Variants in FAM53A observed in about 807,000 individuals in gnomAD.
The protein encoded by FAM53A is protein FAM53A.
In FAM53A, 28 loss-of-function variants were observed where a neutral mutation model predicts 26.6. The observed-to-expected ratio is 1.05, with a 90% CI of 0.78 to 1.45. The LOEUF (loss-of-function observed/expected upper bound fraction) is 1.45. Ranked by LOEUF, FAM53A falls within the 40% of genes most tolerant of loss-of-function variation. The probability of loss-of-function intolerance (pLI) is 0.00; values close to 1 mark genes in which losing one functional copy is unlikely to be tolerated. For missense variants in FAM53A, 650 were observed against 575.8 expected (o/e 1.13, Z -1.32); for synonymous variants, 290 against 253.1 (o/e 1.15, Z -1.38).
At chr4:1,652,016 A>ATACAC (rs1465547216) in intron 4 of FAM53A, among the ~76,000 whole-genome samples, 6 of 79,878 alleles carry the variant, frequency 7.5e-5, no homozygotes, top group African/African-American at 2.3e-4. Flanking sequence ...CACACGTCAC[A>ATACAC]CACACACCAC....
rs1043771306 is a variant in FAM53A, at chr4:1,659,171, C to T, written c.76-1703G>A. The stretch of plus-strand genomic sequence containing the variant: ...GTGGAGCTGTGAGCACCCGGCCACA[C>T]CATGAGGACAGGGCCTGGTGCGGGC... On this transcript the variant is annotated intron_variant, in intron 2 of 4. Coordinates refer to ENST00000308132, the MANE Select transcript of FAM53A (RefSeq NM_001174070.3). The surrounding 1 kb of genome is among the most constrained non-coding windows in gnomAD (Gnocchi z 5.2). Among the ~76,000 whole-genome samples the T allele has an allele frequency of 1.3e-5, 2 of 152,222 alleles. No individual in the cohort carries two copies. The highest frequency in any genetic ancestry group is 6.5e-5 in the Admixed American group (1 of 15,284).
chr4:1,619,201 C>T lies in FAM53A; in HGVS notation c.432-1090G>A, dbSNP rs79166896. 0.013 allele frequency among the ~76,000 whole-genome samples: 2,019 copies of T among 152,364 alleles called. 156 individuals carry two copies. The East Asian group carries it at 0.23, about 18-fold the overall frequency. On this transcript the variant is annotated intron_variant, in intron 1 of 1. Transcript: ENST00000489029. ...AGCAGGTTACTAACGAGTCACTGAACTTTGCAGCCACAGGCTGAGGCAGGA... is the reference window on the plus strand; with the variant it reads ...AGCAGGTTACTAACGAGTCACTGAATTTTGCAGCCACAGGCTGAGGCAGGA...
At chr4:1,623,942 G>A (rs555255445) in intron 1 of FAM53A, among the ~76,000 whole-genome samples, 1 of 152,286 alleles carries the variant, frequency 6.6e-6, no homozygotes, top group East Asian at 1.9e-4. Flanking sequence ...CAGGAGATGG[G>A]GCCAAGCCTC....
At chr4:1,633,621 C>T (rs931919743) in intron 1 of FAM53A, among the ~76,000 whole-genome samples, 6 of 151,876 alleles carry the variant, frequency 4.0e-5, no homozygotes, top group African/African-American at 1.5e-4. Flanking sequence ...AATGGGTGAG[C>T]CCATCAGTAA....
At chr4:1,652,400 A>AC (rs1712927806) in intron 4 of FAM53A, among the ~76,000 whole-genome samples, 4 of 146,678 alleles carry the variant, frequency 2.7e-5, no homozygotes, top group South Asian at 2.2e-4. Flanking sequence ...CACACCACAC[A>AC]CACCAGACAC....
chr4:1,662,284 G>C (rs1713889071), intron 2 of FAM53A, among the ~76,000 whole-genome samples: 1 of 151,954 alleles, frequency 6.6e-6, no homozygotes, highest in Non-Finnish European at 1.5e-5. Context: ...TTCAAGACCA[G>C]CCTGGCCAAC....
At chr4:1,657,804 A>AT (rs772674665) in intron 2 of FAM53A, among the ~76,000 whole-genome samples, 2 of 149,594 alleles carry the variant, frequency 1.3e-5, no homozygotes, top group Admixed American at 1.3e-4. Flanking sequence ...CGCCCGGTTA[A>AT]TTTTTTTTGT....
At chr4:1,652,843 TACACACCACACAGCAC>T (rs1430395574) in intron 4 of FAM53A, among the ~76,000 whole-genome samples, 2 of 107,094 alleles carry the variant, frequency 1.9e-5, no homozygotes, top group South Asian at 3.2e-4. Context: ...CACCACACGC[TACACACCACACAGCAC>T]ACACACCACA....
chr4:1,682,387 C>T (rs938924550), intron 1 of FAM53A, among the ~76,000 whole-genome samples: 9 of 151,702 alleles, frequency 5.9e-5, no homozygotes, highest in East Asian at 5.8e-4. Flanking sequence ...CTCAGCCTCC[C>T]GAGTAGCTGG....
the FAM53A span, among the ~76,000 whole-genome samples, chr4:1,590,955 C>CATATATACATACAT: frequency 2.2e-5 from 1 of 46,306 alleles, no homozygotes; most frequent in Admixed American, 2.2e-4. Context: ...TTATTTAATG[C>CATATATACATACAT]ATATATATAT....
At position 1,661,158 on chromosome 4, in the gene FAM53A, C is replaced by T. The variant is rs374317055; in HGVS notation, c.76-3690G>A. On this transcript the variant is annotated intron_variant, in intron 2 of 4. Transcript: ENST00000308132. Reference sequence around the variant, plus strand: ...CTGCTCTGGTCCTGGCTGCCGCGGCCCTCTACTCTGCCCTCTGGACTCCTG... The same window carrying T: ...CTGCTCTGGTCCTGGCTGCCGCGGCTCTCTACTCTGCCCTCTGGACTCCTG... 1.1e-4 allele frequency among the ~76,000 whole-genome samples: 17 copies of T among 152,194 alleles called. No homozygotes were observed. The East Asian group carries it at 2.5e-3, about 23-fold the overall frequency.
the FAM53A span, among the ~76,000 whole-genome samples, chr4:1,582,518 C>T: frequency 5.3e-5 from 8 of 152,174 alleles, no homozygotes; most frequent in Non-Finnish European, 1.2e-4. Flanking sequence ...AGGAGGCTGG[C>T]GGCCCTGGCT....
the FAM53A span, among the ~76,000 whole-genome samples, chr4:1,582,455 A>G: frequency 6.6e-6 from 1 of 152,214 alleles, no homozygotes; most frequent in Admixed American, 6.5e-5. Flanking sequence ...CACAGACCCA[A>G]GAGAGAGTGG....
intron 1 of FAM53A, among the ~76,000 whole-genome samples, chr4:1,622,038 T>G (rs1715061201): frequency 6.6e-6 from 1 of 152,174 alleles, no homozygotes; most frequent in African/African-American, 2.4e-5. Context: ...CTCTCTCGCC[T>G]TCCTCCTTCC....
downstream of FAM53A, among the ~76,000 whole-genome samples, chr4:1,639,162 T>C (rs1372680589): frequency 7.9e-5 from 12 of 151,930 alleles, no homozygotes; most frequent in East Asian, 2.3e-3. Context: ...GCTGTCCAGA[T>C]TGCCATGTCC....
chr4:1,669,859 A>G (rs572115122), intron 1 of FAM53A, among the ~76,000 whole-genome samples: 2 of 152,332 alleles, frequency 1.3e-5, no homozygotes, highest in African/African-American at 4.8e-5. Flanking sequence ...GAATTAAGAC[A>G]GCAGTGACGG....
chr4:1,592,127 A>T, the FAM53A span, among the ~76,000 whole-genome samples: 1 of 152,108 alleles, frequency 6.6e-6, no homozygotes. Flanking sequence ...CGCTGTGCCT[A>T]CGTGTTAATG....
intron 4 of FAM53A, among the ~76,000 whole-genome samples, chr4:1,642,957 C>A (rs1307708251): frequency 2.0e-5 from 3 of 152,230 alleles, no homozygotes; most frequent in Non-Finnish European, 1.5e-5. Flanking sequence ...TGACACAGCA[C>A]CCTCGGCCAC....
chr4:1,641,285 C>G lies in FAM53A; in HGVS notation c.*8G>C, dbSNP rs764018098. On this transcript the variant is annotated 3_prime_UTR_variant, in exon 5 of 5. Transcript: ENST00000308132. ...GGCAGCCATGGCCCCGACCAGCCCCCACCAGCCTCAGTTGTTCTCGATCTG... is the reference window on the plus strand; with the variant it reads ...GGCAGCCATGGCCCCGACCAGCCCCGACCAGCCTCAGTTGTTCTCGATCTG... 14 of 1,612,748 alleles carry G rather than the reference C, an allele frequency of 8.7e-6. No individual in the cohort carries two copies. The East Asian group carries it at 2.9e-4, about 33-fold the overall frequency.
Sources: allele counts gnomAD v4.1 joint callset (sites outside exome capture counted in the v4.1 genomes callset), GRCh38; gene constraint gnomAD v4.1.1; non-coding constraint Gnocchi (gnomAD v3.1); transcripts MANE v1.5; gene names NCBI Gene and HGNC (gene_info 2026-07-23, HGNC 2026-07-21).